TMEM266: variants seen among roughly 807,000 people sequenced by gnomAD.
The protein encoded by TMEM266 is transmembrane protein 266, also known as Hv1 related protein 1.
Under a neutral mutation model 50.5 loss-of-function variants are expected in TMEM266, and 33 were observed. The ratio of observed to expected loss-of-function variants is 0.65; its 90% CI spans 0.50 to 0.87. The LOEUF is 0.87. Among genes scored for constraint, TMEM266 ranks in the 40% least tolerant of loss-of-function variants. TMEM266 has a pLI of 0.00. For synonymous variants in TMEM266, 310 were observed against 292.3 expected (o/e 1.06, Z -0.62); for missense variants, 655 against 695.1 (o/e 0.94, Z 0.65).
intron 4 of TMEM266, among the ~76,000 whole-genome samples, 153 bp downstream of exon 4, chr15:76,156,911 G>T (rs767865336): frequency 1.3e-5 from 2 of 152,158 alleles, no homozygotes; most frequent in African/African-American, 4.8e-5. Flanking sequence ...GGGGATGGCC[G>T]CTGGGGAGGA....
chr15:76,074,592 A>G (rs1162535458), intron 1 of TMEM266, among the ~76,000 whole-genome samples: 1 of 152,052 alleles, frequency 6.6e-6, no homozygotes, highest in East Asian at 1.9e-4. Context: ...GATTAAGGGG[A>G]TAGGAAATAA....
chr15:76,093,853 C>A (rs973449805), intron 1 of TMEM266, among the ~76,000 whole-genome samples: 3 of 152,068 alleles, frequency 2.0e-5, no homozygotes, highest in African/African-American at 7.2e-5. Context: ...ATTTGCATTT[C>A]TCTGATGACC....
At chr15:76,174,795 A>C (rs2038247727) in intron 7 of TMEM266, 1 of 152,042 alleles carries the variant, frequency 6.6e-6, no homozygotes, top group African/African-American at 2.4e-5. Context: ...TCTGCTGGCC[A>C]CTCTGATTTA....
Position 76,109,734 on chromosome 15 carries a change from G to A in TMEM266, c.-96-24434G>A, listed in dbSNP as rs539665957. 1.1e-4 allele frequency among the ~76,000 whole-genome samples: 17 copies of A among 147,956 alleles called. No homozygotes were observed. In the East Asian group the frequency reaches 3.1e-3, roughly 27 times the overall value. On this transcript the variant is annotated intron_variant, in intron 1 of 10. Transcript: ENST00000388942. ...TTCTTTTTTTTTTTTTTTTGAGACA[G>A]GATCTTGCTCTGTTGCCCAGGCTGG...
intron 8 of TMEM266, 74 bp from the exon 9 acceptor site, chr15:76,191,894 G>T: frequency 7.5e-6 from 10 of 1,341,942 alleles, no homozygotes; most frequent in Non-Finnish European, 9.8e-6. Flanking sequence ...CAGGAGCAAA[G>T]CGCCCAGAGG....
chr15:76,180,171 A>G (rs1050890244), intron 8 of TMEM266, among the ~76,000 whole-genome samples: 1 of 152,212 alleles, frequency 6.6e-6, no homozygotes, highest in South Asian at 2.1e-4. Flanking sequence ...CATCATTAAC[A>G]TCATACACTA....
intron 1 of TMEM266, among the ~76,000 whole-genome samples, chr15:76,067,778 T>G (rs984558970): frequency 1.3e-5 from 2 of 151,628 alleles, no homozygotes. Context: ...TATTTTTTTG[T>G]GGGGGGCATT....
intron 1 of TMEM266, among the ~76,000 whole-genome samples, chr15:76,069,830 A>T (rs1040777726): frequency 1.3e-5 from 2 of 152,118 alleles, no homozygotes; most frequent in East Asian, 1.9e-4. Context: ...AAAAGAAAAA[A>T]AAAAAAGAAA....
chr15:76,187,560 G>T (rs1875887), intron 8 of TMEM266, among the ~76,000 whole-genome samples: 55,710 of 152,128 alleles, frequency 0.37, 10,478 homozygotes, highest in East Asian at 0.57. Context: ...GCACAAAAAG[G>T]CTGCCCTATA....
In TMEM266 at chr15:76,204,117, C is replaced by T. The variant is rs2038798862; in HGVS notation, c.1398C>T (p.Pro466=). Residue 466 remains proline, a synonymous_variant, in exon 11 of 11, where the codon CCC becomes CCT. Coordinates refer to ENST00000388942, the MANE Select transcript of TMEM266 (RefSeq NM_152335.3). ...TGGACCCAGCCCCCCTCGCCCGGCC[C>T]AGCCCAGCGGGCTCGGCCCAAACCA... The T allele has an allele frequency of 6.2e-7, 1 of 1,612,998 alleles. No individual in the cohort carries two copies. Among genetic ancestry groups the T allele is most frequent in the South Asian group, 1.1e-5 (1 of 91,070 alleles).
chr15:76,171,036 T>C lies in TMEM266; in HGVS notation c.557T>C (p.Val186Ala). The change falls in exon 7 of 11, where the codon GTG (valine) becomes GCG (alanine). Residue 186 changes from valine to alanine, a missense_variant. Val to Ala is a moderately conservative substitution (Grantham distance 64, BLOSUM62 0). Transcript: ENST00000388942. ...ATCATCCTATCTTTGGCTCCGATGG[T>C]GGCATCCACTGTGGCCAATGGACCC... 1.2e-6 allele frequency: 2 copies of C among 1,613,098 alleles called. No homozygotes were observed. Among genetic ancestry groups the C allele is most frequent in the Non-Finnish European group, 1.7e-6 (2 of 1,179,636 alleles).
intron 1 of TMEM266, among the ~76,000 whole-genome samples, chr15:76,068,364 A>G (rs954273131): frequency 2.0e-5 from 3 of 152,224 alleles, no homozygotes; most frequent in Admixed American, 6.5e-5. Flanking sequence ...AAAGGAGGCA[A>G]GGTAGAATTA....
chr15:76,091,014 T>C (rs561720997), intron 1 of TMEM266, among the ~76,000 whole-genome samples: 1 of 152,316 alleles, frequency 6.6e-6, no homozygotes, highest in Non-Finnish European at 1.5e-5. Context: ...TATCAAAATA[T>C]CACTGTGTAT....
intron 1 of TMEM266, among the ~76,000 whole-genome samples, chr15:76,127,150 T>C (rs768216929): frequency 3.3e-5 from 5 of 152,164 alleles, no homozygotes; most frequent in Non-Finnish European, 7.4e-5. Flanking sequence ...ATGTGATCGG[T>C]ATGTTAATTA....
At chr15:76,068,301 C>T (rs1369962523) in intron 1 of TMEM266, among the ~76,000 whole-genome samples, 1 of 152,194 alleles carries the variant, frequency 6.6e-6, no homozygotes, top group African/African-American at 2.4e-5. Flanking sequence ...CACAGATGAT[C>T]TCCAAAATGT....
At chr15:76,100,593 T>C (rs1206925682) in intron 1 of TMEM266, among the ~76,000 whole-genome samples, 1 of 152,222 alleles carries the variant, frequency 6.6e-6, no homozygotes, top group African/African-American at 2.4e-5. Flanking sequence ...TGGTCAATGT[T>C]GAATGAGCTG....
chr15:76,097,217 T>C (rs1292648605), intron 1 of TMEM266, among the ~76,000 whole-genome samples: 1 of 152,072 alleles, frequency 6.6e-6, no homozygotes, highest in Non-Finnish European at 1.5e-5. Context: ...GTTGATGTTC[T>C]TTGCAATTTG....
At chr15:76,190,873 T>C (rs1216573119) in intron 8 of TMEM266, among the ~76,000 whole-genome samples, 1 of 152,082 alleles carries the variant, frequency 6.6e-6, no homozygotes, top group Non-Finnish European at 1.5e-5. Context: ...GCGTGGTATT[T>C]CTCTGTCCGC....
At chr15:76,181,835 C>T (rs911769439) in intron 8 of TMEM266, among the ~76,000 whole-genome samples, 5 of 152,156 alleles carry the variant, frequency 3.3e-5, no homozygotes, top group African/African-American at 9.7e-5. Flanking sequence ...CGTGGGATCT[C>T]GCTCTAGTTC....
Sources: gnomAD v4.1 joint callset for allele counts (sites outside exome capture counted in the v4.1 genomes callset) on GRCh38, gnomAD v4.1.1 for gene constraint, MANE v1.5 for transcripts, NCBI Gene and HGNC (gene_info 2026-07-23, HGNC 2026-07-21) for gene names.